Variants in ATM observed in about 807,000 individuals in gnomAD.
ATM encodes ATM serine/threonine kinase.
In ATM, 308 loss-of-function variants were observed where a neutral mutation model predicts 387.0. The ratio of observed to expected loss-of-function variants is 0.80; its 90% CI spans 0.73 to 0.87. The LOEUF (loss-of-function observed/expected upper bound fraction) is 0.87. Ranked by LOEUF, ATM falls within the 40% of genes least tolerant of loss-of-function variation. The probability of loss-of-function intolerance (pLI) is 0.00; values close to 1 mark genes in which losing one functional copy is unlikely to be tolerated. For synonymous variants in ATM, 1,156 were observed against 1,187.3 expected (o/e 0.97, Z 0.54); for missense variants, 3,312 against 3,560.9 (o/e 0.93, Z 1.78).
chr11:108,289,115 T>C lies in ATM; in HGVS notation c.4236+12T>C, dbSNP rs369996463. ...TTTCCAAAAGCCCTGTAAGTATACA[T>C]GATGAGTTTAATAATAGAACATTCC... On this transcript the variant is annotated intron_variant, in intron 28 of 62. Coordinates refer to ENST00000675843, the MANE Select transcript of ATM (RefSeq NM_000051.4). The C allele has an allele frequency of 5.6e-6, 9 of 1,602,648 alleles. No homozygotes were observed. Among genetic ancestry groups the C allele is most frequent in the Non-Finnish European group, 7.7e-6 (9 of 1,170,864 alleles).
At position 108,367,613 on chromosome 11, in the gene ATM, C is replaced by T. The variant is rs1435994615; in HGVS notation, c.*2105C>T. ...CAAATGGGTGATTGAGCTTTCTCCT[C>T]GTATTTGGACCTTGAAGGTTATATA... is the stretch of plus-strand genomic sequence containing the variant. On this transcript the variant is annotated 3_prime_UTR_variant, in exon 63 of 63. Coordinates refer to ENST00000675843, the MANE Select transcript of ATM (RefSeq NM_000051.4). The T allele has an allele frequency of 4.8e-6, 1 of 208,028 alleles. No individual in the cohort carries two copies. The highest frequency in any genetic ancestry group is 7.3e-5 in the East Asian group (1 of 13,698). 12.9% of individuals were successfully genotyped at this position (208,028 alleles called of 1,614,324 possible).
chr11:108,299,314 TC>T lies in ATM; in HGVS notation c.5006-399del, dbSNP rs765808983. On this transcript the variant is annotated intron_variant, in intron 33 of 62. Transcript: ENST00000675843. ...ACAGTTTTAAGGTTGATTCTCTCTC[TC>T]TTTTTTTTTTTTTCTTTTGTCACCC... 2.8e-5 allele frequency among the ~76,000 whole-genome samples: 3 copies of T among 106,658 alleles called. No homozygotes were observed. The East Asian group carries it at 6.9e-4, about 24-fold the overall frequency. The allele number at this position is 106,658 out of a possible 152,430, so 70.0% of individuals were successfully genotyped here.
At position 108,251,760 on chromosome 11, in the gene ATM, C is replaced by G. The variant is rs979762118; in HGVS notation, c.1608-77C>G. 1.1e-5 allele frequency: 15 copies of G among 1,372,988 alleles called. No homozygotes were observed. The South Asian group carries it at 1.6e-4, about 15-fold the overall frequency. 85.1% of individuals were successfully genotyped at this position (1,372,988 alleles called of 1,614,324 possible). On this transcript the variant is annotated intron_variant, in intron 10 of 62. Coordinates refer to ENST00000675843, the MANE Select transcript of ATM (RefSeq NM_000051.4). ...AGTCACCTTAACTAAATGTATGTGCCAGGCACTGTCCTGATAGATAAAGTC... is the reference window on the plus strand; with the variant it reads ...AGTCACCTTAACTAAATGTATGTGCGAGGCACTGTCCTGATAGATAAAGTC...
chr11:108,328,955 T>C, intron 48 of ATM, 66 bp from the exon 49 acceptor site: 1 of 1,464,474 alleles, frequency 6.8e-7, no homozygotes, highest in Non-Finnish European at 9.5e-7. Flanking sequence ...TACCTTAATT[T>C]GAGTGATTCT....
intron 61 of ATM, among the ~76,000 whole-genome samples, chr11:108,361,786 C>T (rs149854825): frequency 6.6e-6 from 1 of 152,200 alleles, no homozygotes; most frequent in Admixed American, 6.5e-5. Context: ...ACACCTGATA[C>T]AAAAATTAAC....
chr11:108,258,885 C>A, intron 15 of ATM, 101 bp from the exon 16 acceptor site: 1 of 925,516 alleles, frequency 1.1e-6, no homozygotes, highest in Non-Finnish European at 1.7e-6. Context: ...TAATAGTAAA[C>A]TATTTATCTA....
At chr11:108,241,341 GAGTAAGTACATAAACCTAACATT>G (rs2079547547) in intron 5 of ATM, among the ~76,000 whole-genome samples, 1 of 152,176 alleles carries the variant, frequency 6.6e-6, no homozygotes, top group Non-Finnish European at 1.5e-5. Context: ...AAGCATAGTA[GAGTAAGTACATAAACCTAACATT>G]TTACCAGTAA....
At chr11:108,348,376 A>T (rs55675181) in intron 59 of ATM, among the ~76,000 whole-genome samples, 1 of 151,636 alleles carries the variant, frequency 6.6e-6, no homozygotes, top group Non-Finnish European at 1.5e-5. Flanking sequence ...AGTTTAATAT[A>T]TAAGAAAGAA....
In ATM at chr11:108,366,020, A is replaced by T. The variant is rs750207793; in HGVS notation, c.*512A>T. 1.9e-4 allele frequency: 30 copies of T among 157,608 alleles called. No individual in the cohort carries two copies. Among genetic ancestry groups the T allele is most frequent in the Non-Finnish European group, 3.2e-4 (24 of 76,088 alleles). The allele number at this position is 157,608 out of a possible 1,614,324, so 9.8% of individuals were successfully genotyped here. On this transcript the variant is annotated 3_prime_UTR_variant, in exon 63 of 63. Coordinates refer to ENST00000675843, the MANE Select transcript of ATM (RefSeq NM_000051.4). ...CTCCAGCCTGGGTGACAAGAGCGAAACTCCATCTCAAAAAAAAAAAAAAAA... is the reference window on the plus strand; with the variant it reads ...CTCCAGCCTGGGTGACAAGAGCGAATCTCCATCTCAAAAAAAAAAAAAAAA...
intron 22 of ATM, 37 bp downstream of exon 22, chr11:108,272,889 T>C: frequency 6.2e-7 from 1 of 1,613,228 alleles, no homozygotes; most frequent in Non-Finnish European, 8.5e-7. Context: ...TTTGGAATGC[T>C]GCAGATGGCA....
chr11:108,264,628 C>G (rs2081109610), intron 16 of ATM, among the ~76,000 whole-genome samples: 4 of 145,120 alleles, frequency 2.8e-5, no homozygotes, highest in African/African-American at 1.0e-4. Context: ...GAAGTTCTGG[C>G]CAGGGCAATC....
At chr11:108,357,003 C>T (rs916466847) in intron 61 of ATM, among the ~76,000 whole-genome samples, 1 of 152,186 alleles carries the variant, frequency 6.6e-6, no homozygotes, top group Admixed American at 6.5e-5. Flanking sequence ...ATGCAGAAGA[C>T]AGGTGATTTC....
At chr11:108,266,866 G>C (rs987091581) in intron 16 of ATM, among the ~76,000 whole-genome samples, 3 of 148,068 alleles carry the variant, frequency 2.0e-5, no homozygotes, top group Non-Finnish European at 4.4e-5. Context: ...CATGATCTCA[G>C]CTCACTGCAA....
chr11:108,326,517 T>C (rs894982366), intron 47 of ATM, among the ~76,000 whole-genome samples: 3 of 152,180 alleles, frequency 2.0e-5, no homozygotes, highest in African/African-American at 7.2e-5. Flanking sequence ...ATGAATGAAA[T>C]AGCTACTCTA....
intron 16 of ATM, among the ~76,000 whole-genome samples, chr11:108,261,392 G>T (rs2080877190): frequency 6.6e-6 from 1 of 152,220 alleles, no homozygotes; most frequent in Non-Finnish European, 1.5e-5. Context: ...TCACATGGCA[G>T]GGTACTCCAA....
rs556888479 is a variant in ATM at position 108,272,706 on chromosome 11, A to G, written c.3154-16A>G. 3 of 1,613,790 alleles carry G rather than the reference A, an allele frequency of 1.9e-6. No homozygotes were observed. The highest frequency in any genetic ancestry group is 2.5e-6 in the Non-Finnish European group (3 of 1,179,892). ...TTTTCTCTATTTCATATTTAACCAC[A>G]GTTCTTTTCCCGTAGGCTGATCCTT... On this transcript the variant is annotated splice_polypyrimidine_tract_variant and intron_variant, in intron 21 of 62. Transcript: ENST00000675843.
chr11:108,360,852 CA>C (rs2090646773), intron 61 of ATM, among the ~76,000 whole-genome samples: 2 of 101,432 alleles, frequency 2.0e-5, no homozygotes, highest in African/African-American at 4.2e-5. Flanking sequence ...ACTGAATGGG[CA>C]AAAACTGGAA....
In ATM at chr11:108,325,341, T is replaced by C. The variant is rs730881311; in HGVS notation, c.6604T>C (p.Tyr2202His). The stretch of plus-strand genomic sequence containing the variant: ...CACACATAGACAACTCTCTGAAGTA[T>C]ATATTAAGTGGCAGAAACACTCCCA... ...SVTHRQLSEV[Y>H]IKWQKHSQLL... The change falls in exon 46 of 63, where the codon TAT becomes CAT. Residue 2202 changes from tyrosine to histidine, a missense_variant. Physicochemically the swap from Tyr to His is moderately conservative, Grantham distance 83. Around this residue, in one of 4 missense-constraint regions of ATM, gnomAD observed 1,405 missense variants for 1,604.4 expected, o/e 0.88. Transcript: ENST00000675843. The C allele has an allele frequency of 6.2e-7, 1 of 1,610,768 alleles. No homozygotes were observed. The highest frequency in any genetic ancestry group is 8.5e-7 in the Non-Finnish European group (1 of 1,178,654).
intron 45 of ATM, 61 bp from the exon 46 acceptor site, chr11:108,325,249 G>GTTTTTTTTTTTTTTTTTT (rs11366542): frequency 5.3e-6 from 3 of 566,214 alleles, no homozygotes; most frequent in Non-Finnish European, 5.9e-6. Context: ...AACTTACATA[G>GTTTTTTTTTTTTTTTTTT]TTTTTTTTTT....
Sources: allele counts gnomAD v4.1 joint callset (sites outside exome capture counted in the v4.1 genomes callset), GRCh38; gene constraint gnomAD v4.1.1; regional missense constraint gnomAD v4.1.1; transcripts MANE v1.5; gene names NCBI Gene and HGNC (gene_info 2026-07-23, HGNC 2026-07-21).